CDH10: variants seen among roughly 807,000 people sequenced by gnomAD.
CDH10 encodes cadherin 10.
Under a neutral mutation model 73.1 loss-of-function variants are expected in CDH10, and 30 were observed. The ratio of observed to expected loss-of-function variants is 0.41; its 90% CI spans 0.31 to 0.56. CDH10 has a LOEUF of 0.56. Ranked by LOEUF, CDH10 falls within the 20% of genes least tolerant of loss-of-function variation. The pLI is 0.27. For synonymous variants in CDH10, 345 were observed against 348.2 expected, an observed-to-expected ratio of 0.99 and a Z score of 0.10; for missense variants, 815 against 973.7, an observed-to-expected ratio of 0.84 and a Z score of 2.17.
At chr5:24,568,479 C>A (rs1012410727) in intron 2 of CDH10, among the ~76,000 whole-genome samples, 1 of 151,966 alleles carries the variant, frequency 6.6e-6, no homozygotes, top group Non-Finnish European at 1.5e-5. Flanking sequence ...GTTATTTCAA[C>A]AACAAAAAAC....
At chr5:24,503,827 A>G (rs1742587151) in intron 8 of CDH10, among the ~76,000 whole-genome samples, 1 of 152,184 alleles carries the variant, frequency 6.6e-6, no homozygotes, top group South Asian at 2.1e-4. Context: ...CACCTGGCAT[A>G]TATGATTAAA....
intron 1 of CDH10, among the ~76,000 whole-genome samples, chr5:24,622,669 C>G (rs1675686455): frequency 6.6e-6 from 1 of 152,064 alleles, no homozygotes. Flanking sequence ...TTAACAAAAT[C>G]CTAGGACAGA....
chr5:24,487,809 T>G lies in CDH10; in HGVS notation c.2221A>C (p.Asn741His), dbSNP rs777761277. The change falls in exon 12 of 12, where the codon AAT becomes CAT. Residue 741 changes from asparagine to histidine, a missense_variant. Asn to His is a moderately conservative substitution (Grantham distance 68). This residue lies in a region of CDH10 where 241 missense variants were observed against 240.3 expected (regional missense o/e 1.00). Transcript: ENST00000264463. The stretch of plus-strand genomic sequence containing the variant: ...CTCAGAGATTCAGCAATGGAATCAT[T>G]TCCTTCATAGGCATAGGTTGCAAGT... The part of the protein sequence containing the change: ...DSLATYAYEG[N>H]DSIAESLSSL... The G allele has an allele frequency of 6.2e-7, 1 of 1,614,004 alleles. No individual in the cohort carries two copies. The highest frequency in any genetic ancestry group is 1.3e-5 in the African/African-American group (1 of 75,006).
Position 24,576,874 on chromosome 5 carries a change from A to G in CDH10, c.231+16386T>C, listed in dbSNP as rs77565663. 8.5e-5 allele frequency among the ~76,000 whole-genome samples: 13 copies of G among 152,156 alleles called. 1 individual carries two copies. The East Asian group carries it at 2.5e-3, about 30-fold the overall frequency. The stretch of plus-strand genomic sequence containing the variant: ...GAGACTTTACCTAGGTTTCAAGGTT[A>G]ACATGATCACTAATGAGCAATATTG... On this transcript the variant is annotated intron_variant, in intron 2 of 11. Coordinates refer to ENST00000264463, the MANE Select transcript of CDH10 (RefSeq NM_006727.5).
chr5:24,561,103 G>C (rs937800822), intron 2 of CDH10, among the ~76,000 whole-genome samples: 1 of 152,166 alleles, frequency 6.6e-6, no homozygotes, highest in African/African-American at 2.4e-5. Flanking sequence ...CACACACTAT[G>C]CTCTCAATAA....
At chr5:24,527,525 T>C (rs1298014713) in intron 5 of CDH10, among the ~76,000 whole-genome samples, 7 of 151,770 alleles carry the variant, frequency 4.6e-5, no homozygotes, top group Admixed American at 2.0e-4. Context: ...AGAGTGTACT[T>C]ACACAAACCT....
At chr5:24,567,967 A>C (rs1460241415) in intron 2 of CDH10, among the ~76,000 whole-genome samples, 3 of 152,076 alleles carry the variant, frequency 2.0e-5, no homozygotes, top group African/African-American at 7.2e-5. Context: ...AGTCTCACCC[A>C]AAAAATTCAA....
At chr5:24,529,457 CCTTT>C (rs1170470105) in intron 5 of CDH10, among the ~76,000 whole-genome samples, 1 of 151,816 alleles carries the variant, frequency 6.6e-6, no homozygotes, top group Non-Finnish European at 1.5e-5. Context: ...TAAAAACTGT[CCTTT>C]AAGTGGGGAA....
At chr5:24,528,536 T>C (rs1743616671) in intron 5 of CDH10, among the ~76,000 whole-genome samples, 1 of 151,936 alleles carries the variant, frequency 6.6e-6, no homozygotes, top group African/African-American at 2.4e-5. Context: ...CATATAGACA[T>C]TTCCTTGAAA....
chr5:24,547,661 C>A (rs1287547744), intron 2 of CDH10, among the ~76,000 whole-genome samples: 4 of 152,110 alleles, frequency 2.6e-5, no homozygotes, highest in African/African-American at 9.7e-5. Context: ...CCCACATTTC[C>A]AGAGAATTGT....
intron 11 of CDH10, among the ~76,000 whole-genome samples, chr5:24,488,682 T>G (rs1198944760): frequency 1.3e-5 from 2 of 152,138 alleles, no homozygotes; most frequent in Non-Finnish European, 2.9e-5. Flanking sequence ...CATATTTTTG[T>G]TACTTTACTA....
intron 1 of CDH10, among the ~76,000 whole-genome samples, chr5:24,617,774 C>A (rs1747173309): frequency 2.0e-5 from 3 of 152,266 alleles, no homozygotes; most frequent in Middle Eastern, 6.8e-3. Context: ...CTATGTGCCT[C>A]CCAGAGGCCT....
intron 11 of CDH10, 143 bp downstream of exon 11, chr5:24,491,433 T>C (rs1430915770): frequency 1.6e-6 from 1 of 638,888 alleles, no homozygotes; most frequent in African/African-American, 1.8e-5. Flanking sequence ...TAAAGTATTT[T>C]AATATAAAGA....
At chr5:24,545,210 T>G (rs1744296482) in intron 2 of CDH10, among the ~76,000 whole-genome samples, 1 of 152,204 alleles carries the variant, frequency 6.6e-6, no homozygotes. Context: ...CCTTGTGGTC[T>G]GAAAATGACA....
intron 5 of CDH10, among the ~76,000 whole-genome samples, chr5:24,521,071 C>G (rs1169243275): frequency 6.6e-6 from 1 of 152,006 alleles, no homozygotes; most frequent in Non-Finnish European, 1.5e-5. Context: ...CAGAAGCAAA[C>G]ACAGTTCTGC....
chr5:24,608,290 TG>T (rs548623305), intron 1 of CDH10, among the ~76,000 whole-genome samples: 60 of 151,930 alleles, frequency 3.9e-4, no homozygotes, highest in Non-Finnish European at 6.5e-4. Flanking sequence ...ACATTTTGAA[TG>T]TTTTTTTTTA....
intron 2 of CDH10, among the ~76,000 whole-genome samples, chr5:24,562,118 ATAT>A (rs1744979731): frequency 6.6e-6 from 1 of 152,062 alleles, no homozygotes. Context: ...TTTAATATAT[ATAT>A]TGTTAAGAAA....
At chr5:24,605,049 G>A (rs1359599529) in intron 1 of CDH10, among the ~76,000 whole-genome samples, 2 of 152,000 alleles carry the variant, frequency 1.3e-5, no homozygotes, top group Non-Finnish European at 2.9e-5. Context: ...CAAAGAACTT[G>A]AACAGACATC....
chr5:24,572,544 A>G (rs1745424086), intron 2 of CDH10, among the ~76,000 whole-genome samples: 1 of 152,110 alleles, frequency 6.6e-6, no homozygotes, highest in Non-Finnish European at 1.5e-5. Context: ...CCTCCCCCCA[A>G]AAAAATCAAC....
Sources: allele counts gnomAD v4.1 joint callset (sites outside exome capture counted in the v4.1 genomes callset), GRCh38; gene constraint gnomAD v4.1.1; regional missense constraint gnomAD v4.1.1; transcripts MANE v1.5; gene names NCBI Gene and HGNC (gene_info 2026-07-23, HGNC 2026-07-21).